The following ACVR2A variants were observed in gnomAD, a reference collection of about 807,000 sequenced individuals.
The protein encoded by ACVR2A is activin receptor type-2A.
A neutral mutation model predicts 61.4 loss-of-function variants in ACVR2A; 7 were observed. That is an observed-to-expected ratio of 0.11 (90% CI 0.06 to 0.21). The LOEUF is 0.21. Among genes scored for constraint, ACVR2A ranks in the 10% least tolerant of loss-of-function variants. The probability of loss-of-function intolerance (pLI) is 1.00; values close to 1 mark genes in which losing one functional copy is unlikely to be tolerated. For missense variants in ACVR2A, 322 were observed against 621.7 expected, an observed-to-expected ratio of 0.52 and a Z score of 5.13; for synonymous variants, 193 against 208.3, an observed-to-expected ratio of 0.93 and a Z score of 0.63.
intron 8 of ACVR2A, among the ~76,000 whole-genome samples, chr2:147,921,452 T>A (rs1412991155): frequency 1.3e-5 from 2 of 152,196 alleles, no homozygotes; most frequent in Non-Finnish European, 2.9e-5. Flanking sequence ...ATGTAAATTA[T>A]TTGGCCAACT....
chr2:147,845,459 A>G (rs1353727351), intron 1 of ACVR2A, among the ~76,000 whole-genome samples: 1 of 150,308 alleles, frequency 6.7e-6, no homozygotes, highest in Non-Finnish European at 1.5e-5. Flanking sequence ...TTGTTGTGGA[A>G]GTGAGAAAGT....
intron 1 of ACVR2A, among the ~76,000 whole-genome samples, chr2:147,858,318 C>T (rs757102721): frequency 2.7e-4 from 41 of 152,112 alleles, no homozygotes; most frequent in Non-Finnish European, 3.7e-4. Context: ...ACCAGCACTT[C>T]GAATTCAGAA....
intron 1 of ACVR2A, among the ~76,000 whole-genome samples, chr2:147,874,631 A>T (rs2105161911): frequency 6.6e-6 from 1 of 152,008 alleles, no homozygotes; most frequent in East Asian, 1.9e-4. Context: ...AGAACCAAGG[A>T]AGTTTTATTC....
intron 1 of ACVR2A, among the ~76,000 whole-genome samples, chr2:147,891,290 G>A (rs1686576290): frequency 6.6e-6 from 1 of 152,062 alleles, no homozygotes; most frequent in African/African-American, 2.4e-5. Flanking sequence ...ATGCCTGAGT[G>A]GGATTCTTCT....
intron 1 of ACVR2A, among the ~76,000 whole-genome samples, chr2:147,888,174 T>C (rs962623566): frequency 2.0e-5 from 3 of 152,196 alleles, no homozygotes. Context: ...TTCACTGATG[T>C]ATGTTTCTGT....
At chr2:147,920,669 C>T (rs1687359685) in intron 8 of ACVR2A, among the ~76,000 whole-genome samples, 1 of 152,188 alleles carries the variant, frequency 6.6e-6, no homozygotes, top group African/African-American at 2.4e-5. Context: ...TCTGTTAGTT[C>T]TTTCACCATC....
rs561527002 is a variant in ACVR2A, at chr2:147,894,490, C to T, written c.56-1811C>T. 3.3e-5 allele frequency among the ~76,000 whole-genome samples: 5 copies of T among 151,826 alleles called. No homozygotes were observed. The South Asian group carries it at 1.0e-3, about 32-fold the overall frequency. ...CACATTGAGTGGATTTTTTTTTAAC[C>T]CATGAATACTTTTGTAATATCACAA... On this transcript the variant is annotated intron_variant, in intron 1 of 10. Coordinates refer to ENST00000241416, the MANE Select transcript of ACVR2A (RefSeq NM_001616.5).
chr2:147,858,020 C>A (rs1442349811), intron 1 of ACVR2A, among the ~76,000 whole-genome samples: 5 of 152,174 alleles, frequency 3.3e-5, no homozygotes, highest in Admixed American at 6.5e-5. Flanking sequence ...GTGTCCATGT[C>A]TTCCCATCAT....
At chr2:147,906,177 G>GT (rs1419258504) in intron 4 of ACVR2A, among the ~76,000 whole-genome samples, 1 of 151,934 alleles carries the variant, frequency 6.6e-6, no homozygotes, top group Non-Finnish European at 1.5e-5. Flanking sequence ...CTTCATTGCT[G>GT]TCAAATCTTT....
intron 1 of ACVR2A, among the ~76,000 whole-genome samples, chr2:147,891,121 C>T (rs1686572124): frequency 1.3e-5 from 2 of 152,164 alleles, no homozygotes; most frequent in African/African-American, 4.8e-5. Context: ...ATGAAATCCT[C>T]TCTAAAAATA....
chr2:147,913,867 G>A (rs1004195514), intron 4 of ACVR2A, among the ~76,000 whole-genome samples: 3 of 137,888 alleles, frequency 2.2e-5, no homozygotes, highest in Non-Finnish European at 4.7e-5. Context: ...AGTTTGAAAT[G>A]AGTCACAAGA....
chr2:147,889,961 G>T (rs1686542738), intron 1 of ACVR2A, among the ~76,000 whole-genome samples: 1 of 151,466 alleles, frequency 6.6e-6, no homozygotes, highest in African/African-American at 2.4e-5. Context: ...TAAACTGAGT[G>T]TGAATTATGG....
At chr2:147,906,818 A>ATTTTT (rs369876665) in intron 4 of ACVR2A, among the ~76,000 whole-genome samples, 3 of 123,408 alleles carry the variant, frequency 2.4e-5, no homozygotes, top group Non-Finnish European at 3.4e-5. Context: ...TATCAAGTCC[A>ATTTTT]TTTTTTTTTT....
At chr2:147,889,505 G>T (rs1273308743) in intron 1 of ACVR2A, among the ~76,000 whole-genome samples, 1 of 152,158 alleles carries the variant, frequency 6.6e-6, no homozygotes, top group Non-Finnish European at 1.5e-5. Context: ...AGCACTTTGG[G>T]AGGCTGAGGC....
At chr2:147,863,643 AT>A (rs1192152799) in intron 1 of ACVR2A, among the ~76,000 whole-genome samples, 2 of 152,164 alleles carry the variant, frequency 1.3e-5, no homozygotes, top group Non-Finnish European at 2.9e-5. Flanking sequence ...GAGGGAAAAT[AT>A]TTTTACTCTT....
chr2:147,854,536 C>G (rs902729149), intron 1 of ACVR2A, among the ~76,000 whole-genome samples: 2 of 152,168 alleles, frequency 1.3e-5, no homozygotes, highest in Admixed American at 1.3e-4. Context: ...ACTTAAGAGT[C>G]TGTCATTCAA....
chr2:147,875,427 C>G (rs957722677), intron 1 of ACVR2A, among the ~76,000 whole-genome samples: 1 of 151,968 alleles, frequency 6.6e-6, no homozygotes, highest in Non-Finnish European at 1.5e-5. Context: ...TACAGTGTTT[C>G]GTGCTTTAAA....
rs762145672 is a variant in ACVR2A, at chr2:147,896,392, G to A, written c.147G>A (p.Pro49=). ...GAACCAATCAAACTGGTGTTGAACC[G>A]TGTTATGGTGACAAAGATAAACGGC... ...KDRTNQTGVE[P]CYGDKDKRRH... The change falls in exon 2 of 11, where the codon CCG becomes CCA. Residue 49 remains proline, a synonymous_variant. Coordinates refer to ENST00000241416, the MANE Select transcript of ACVR2A (RefSeq NM_001616.5). 12 of 1,613,862 alleles carry A rather than the reference G, an allele frequency of 7.4e-6. No individual in the cohort carries two copies. The highest frequency in any genetic ancestry group is 2.7e-5 in the African/African-American group (2 of 74,898).
intron 1 of ACVR2A, among the ~76,000 whole-genome samples, chr2:147,857,761 T>G (rs1685620924): frequency 6.6e-6 from 1 of 152,080 alleles, no homozygotes; most frequent in African/African-American, 2.4e-5. Flanking sequence ...CTCAAAGATT[T>G]GAGTAAGGAT....
Sources: allele counts gnomAD v4.1 joint callset (sites outside exome capture counted in the v4.1 genomes callset), GRCh38; gene constraint gnomAD v4.1.1; transcripts MANE v1.5; gene names NCBI Gene and HGNC (gene_info 2026-07-23, HGNC 2026-07-21).